Variants in SPA17 observed in about 807,000 individuals in gnomAD.
The protein encoded by SPA17 is sperm autoantigenic protein 17.
In SPA17, 7 loss-of-function variants were observed where a neutral mutation model predicts 13.8. That is an observed-to-expected ratio of 0.51 (90% CI 0.29 to 0.95). The LOEUF is 0.95. SPA17 is among the 40% of genes least tolerant of loss of function. The pLI is 0.08. For missense variants in SPA17, 170 were observed against 179.3 expected, an observed-to-expected ratio of 0.95 and a Z score of 0.30; for synonymous variants, 61 against 59.0, an observed-to-expected ratio of 1.03 and a Z score of -0.16.
At chr11:124,685,075 A>G (rs2134413814) in intron 3 of SPA17, among the ~76,000 whole-genome samples, 1 of 152,384 alleles carries the variant, frequency 6.6e-6, no homozygotes, top group East Asian at 1.9e-4. Context: ...CCAAATGTTA[A>G]TCACCAAGAC....
intron 3 of SPA17, among the ~76,000 whole-genome samples, chr11:124,686,812 A>T (rs968149290): frequency 2.0e-5 from 3 of 152,214 alleles, no homozygotes; most frequent in Non-Finnish European, 4.4e-5. Context: ...GCTAAGAGAG[A>T]AGTTGATAGC....
At position 124,695,447 on chromosome 11, in the gene SPA17, T is replaced by A. The variant is rs1018387471; in HGVS notation, c.*1001T>A. 1 of 152,228 alleles carries A rather than the reference T, an allele frequency of 6.6e-6. No homozygotes were observed. The highest frequency in any genetic ancestry group is 2.4e-5 in the African/African-American group (1 of 41,468). The allele number at this position is 152,228 out of a possible 1,614,324, so 9.4% of individuals were successfully genotyped here. On this transcript the variant is annotated 3_prime_UTR_variant, in exon 5 of 5. Transcript: ENST00000227135. Reference sequence around the variant, plus strand: ...CAGAGGCTTTATCTCTTTTATGTTTTCAATGATTCATTCAAATCCCTAGTG... The same window carrying A: ...CAGAGGCTTTATCTCTTTTATGTTTACAATGATTCATTCAAATCCCTAGTG...
At chr11:124,680,963 A>G (rs1336669791) in intron 2 of SPA17, among the ~76,000 whole-genome samples, 1 of 152,110 alleles carries the variant, frequency 6.6e-6, no homozygotes, top group Non-Finnish European at 1.5e-5. Context: ...AACTGTCTAC[A>G]TAATATACTT....
rs1943625128 is a variant in SPA17, at chr11:124,691,754, A to G, written c.284A>G (p.Lys95Arg). 2 of 1,612,140 alleles carry G rather than the reference A, an allele frequency of 1.2e-6. No individual in the cohort carries two copies. Among genetic ancestry groups the G allele is most frequent in the Non-Finnish European group, 1.7e-6 (2 of 1,179,156 alleles). Residue 95 changes from lysine (K) to arginine (R), a missense_variant, in exon 4 of 5, where the codon AAG (lysine) becomes AGG (arginine). Lys to Arg is a conservative substitution (Grantham distance 26). Coordinates refer to ENST00000227135, the MANE Select transcript of SPA17 (RefSeq NM_017425.4). ...CAAGAAGAGTCTCAGATATCTGGGA[A>G]GGAGGAAGAGACATCAGTCACCATC... ...PKQEESQISG[K>R]EEETSVTILD...
intron 3 of SPA17, among the ~76,000 whole-genome samples, chr11:124,690,692 G>C (rs997412700): frequency 1.5e-4 from 23 of 152,164 alleles, no homozygotes; most frequent in African/African-American, 5.3e-4. Flanking sequence ...ATTTTTAAGA[G>C]ATCACCAGAA....
intron 3 of SPA17, among the ~76,000 whole-genome samples, chr11:124,688,265 G>A (rs1007121317): frequency 9.2e-5 from 14 of 152,128 alleles, no homozygotes; most frequent in South Asian, 2.1e-4. Flanking sequence ...ATCCTGCCTT[G>A]GCCTCCCAAA....
intron 3 of SPA17, among the ~76,000 whole-genome samples, chr11:124,684,173 G>A (rs1943554741): frequency 6.6e-6 from 1 of 152,158 alleles, no homozygotes; most frequent in South Asian, 2.1e-4. Flanking sequence ...CCTCAGCCAT[G>A]CAGAACTGTG....
rs895157973 is a variant in SPA17, at chr11:124,696,715, G to A, written c.*2269G>A. On this transcript the variant is annotated 3_prime_UTR_variant, in exon 5 of 5. Transcript: ENST00000227135. ...TAAGTGCCCTTAGGCTCAGTCTTTC[G>A]ACCCCATTTCTACACTCACTTGATT... 2 of 151,808 alleles carry A rather than the reference G, an allele frequency of 1.3e-5. No homozygotes were observed. Among genetic ancestry groups the A allele is most frequent in the Admixed American group, 1.3e-4 (2 of 15,248 alleles). 9.4% of individuals were successfully genotyped at this position (151,808 alleles called of 1,614,324 possible).
intron 2 of SPA17, 23 bp downstream of exon 2, chr11:124,675,441 T>C (rs1160570903): frequency 6.3e-7 from 1 of 1,599,934 alleles, no homozygotes; most frequent in Non-Finnish European, 8.5e-7. Flanking sequence ...AAATTAGTCA[T>C]TTTTTAAAAT....
chr11:124,678,572 G>GTTTGGC (rs2134408522), intron 2 of SPA17, among the ~76,000 whole-genome samples: 1 of 151,232 alleles, frequency 6.6e-6, no homozygotes, highest in Admixed American at 6.6e-5. Flanking sequence ...TTGCCACAGG[G>GTTTGGC]TTTGGCTCTG....
intron 3 of SPA17, among the ~76,000 whole-genome samples, chr11:124,687,198 T>A (rs968472838): frequency 4.6e-5 from 7 of 152,048 alleles, no homozygotes; most frequent in African/African-American, 1.4e-4. Context: ...AATAGATAAA[T>A]TCCTGGAAAC....
At chr11:124,677,006 ATTTAT>A (rs1943473175) in intron 2 of SPA17, among the ~76,000 whole-genome samples, 1 of 152,230 alleles carries the variant, frequency 6.6e-6, no homozygotes, top group South Asian at 2.1e-4. Flanking sequence ...GTCTTTAGTC[ATTTAT>A]TTAATTTTAG....
At chr11:124,684,307 G>C (rs905838215) in intron 3 of SPA17, among the ~76,000 whole-genome samples, 1 of 151,868 alleles carries the variant, frequency 6.6e-6, no homozygotes, top group Non-Finnish European at 1.5e-5. Flanking sequence ...TGTCACCCAG[G>C]CTGGAGTGCA....
In SPA17 at chr11:124,673,971, TTCC is replaced by T. The variant is rs1160541757; in HGVS notation, c.-28+22_-28+24del. The T allele has an allele frequency of 3.7e-6, 2 of 537,696 alleles. No homozygotes were observed. The highest frequency in any genetic ancestry group is 3.3e-6 in the Non-Finnish European group (1 of 300,172). The allele number at this position is 537,696 out of a possible 1,614,324, so 33.3% of individuals were successfully genotyped here. A position where few individuals can be genotyped will look rare whatever the true frequency, so the allele number is the denominator to read the frequency against. ...AAAGGAGGTGAGGCCGCTTCCCCAC[TTCC>T]TCTCCGATACCAAGACCTAGCCTTT... On this transcript the variant is annotated intron_variant, in intron 1 of 4. Transcript: ENST00000227135.
At chr11:124,689,486 G>A (rs913451378) in intron 3 of SPA17, among the ~76,000 whole-genome samples, 4 of 152,104 alleles carry the variant, frequency 2.6e-5, no homozygotes, top group Non-Finnish European at 5.9e-5. Context: ...TAAGTAATCT[G>A]ATTAAAAAGT....
At chr11:124,681,361 C>G (rs1343484632) in intron 2 of SPA17, 28 bp from the exon 3 acceptor site, 2 of 1,510,436 alleles carry the variant, frequency 1.3e-6, no homozygotes, top group African/African-American at 2.8e-5. Flanking sequence ...TCAAATAAAT[C>G]TGAAGTTCTT....
chr11:124,693,199 T>C (rs1044905225), intron 4 of SPA17, among the ~76,000 whole-genome samples: 3 of 152,182 alleles, frequency 2.0e-5, no homozygotes, highest in African/African-American at 4.8e-5. Context: ...TCTCGAAGAA[T>C]TTTATACCAT....
rs1943674134 is a variant in SPA17, at chr11:124,696,639, C to G, written c.*2193C>G. ...TTTCCTCTTATCTCTCTGGCTGTTC[C>G]TTCTCAATTCCCTTCACTGGTAACT... On this transcript the variant is annotated 3_prime_UTR_variant, in exon 5 of 5. Coordinates refer to ENST00000227135, the MANE Select transcript of SPA17 (RefSeq NM_017425.4). 1 of 152,128 alleles carries G rather than the reference C, an allele frequency of 6.6e-6. No individual in the cohort carries two copies. The highest frequency in any genetic ancestry group is 1.5e-5 in the Non-Finnish European group (1 of 68,032). The allele number at this position is 152,128 out of a possible 1,614,324, so 9.4% of individuals were successfully genotyped here.
In SPA17 at chr11:124,695,644, T is replaced by G. The variant is rs536949237; in HGVS notation, c.*1198T>G. The G allele has an allele frequency of 6.6e-6, 1 of 152,188 alleles. No homozygotes were observed. Among genetic ancestry groups the G allele is most frequent in the African/African-American group, 2.4e-5 (1 of 41,430 alleles). The allele number at this position is 152,188 out of a possible 1,614,324, so 9.4% of individuals were successfully genotyped here. A position where few individuals can be genotyped will look rare whatever the true frequency, so the allele number is the denominator to read the frequency against. ...ATGCTGTTGCCTTCTACCATAATGT[T>G]GTAGCATAGTCCAGCAGACTGAGGT... On this transcript the variant is annotated 3_prime_UTR_variant, in exon 5 of 5. Coordinates refer to ENST00000227135, the MANE Select transcript of SPA17 (RefSeq NM_017425.4).
Sources: gnomAD v4.1 joint callset for allele counts (sites outside exome capture counted in the v4.1 genomes callset) on GRCh38, gnomAD v4.1.1 for gene constraint, MANE v1.5 for transcripts, NCBI Gene and HGNC (gene_info 2026-07-23, HGNC 2026-07-21) for gene names.